GSE1: variants seen among roughly 807,000 people sequenced by gnomAD.
GSE1 encodes the protein genetic suppressor element 1.
In GSE1, 32 loss-of-function variants were observed where a neutral mutation model predicts 112.6. That is an observed-to-expected ratio of 0.28 (90% CI 0.21 to 0.38). The LOEUF is 0.38. GSE1 is among the 10% of genes least tolerant of loss of function. The probability of loss-of-function intolerance (pLI) is 1.00; values close to 1 mark genes in which losing one functional copy is unlikely to be tolerated. For synonymous variants in GSE1, 1,115 were observed against 735.6 expected (o/e 1.52, Z -8.35); for missense variants, 2,348 against 1,699.2 (o/e 1.38, Z -6.71).
At chr16:85,636,328 G>A (rs932738432) in intron 2 of GSE1, among the ~76,000 whole-genome samples, 4 of 152,206 alleles carry the variant, frequency 2.6e-5, no homozygotes, top group Admixed American at 1.3e-4. Flanking sequence ...TGTGGGGCTC[G>A]GAGTCTGCGG....
intron 1 of GSE1, among the ~76,000 whole-genome samples, chr16:85,330,995 A>T (rs2046328619): frequency 6.6e-6 from 1 of 152,012 alleles, no homozygotes; most frequent in African/African-American, 2.4e-5. Context: ...CAAGCCACCT[A>T]GTGGGGAGTT....
At chr16:85,652,072 C>T (rs1286566893) in intron 3 of GSE1, among the ~76,000 whole-genome samples, 4 of 152,220 alleles carry the variant, frequency 2.6e-5, no homozygotes, top group Non-Finnish European at 5.9e-5. Context: ...GCCAGCCTGG[C>T]AACACACCTG....
Position 85,665,016 on chromosome 16 carries a change from CAA to C in GSE1, c.2648_2649del (p.Lys883ArgfsTer5). The C allele has an allele frequency of 6.3e-7, 1 of 1,592,296 alleles. No individual in the cohort carries two copies. The highest frequency in any genetic ancestry group is 8.6e-7 in the Non-Finnish European group (1 of 1,160,432). On this transcript the variant is annotated frameshift_variant and splice_region_variant, in exon 12 of 16. Coordinates refer to ENST00000253458, the MANE Select transcript of GSE1 (RefSeq NM_014615.5). LOFTEE classifies it high-confidence loss of function. ...AATCTCAGGCTGCTTTTCTCATAGACAAAGAGAGACTTGTTGAAATGCTCCGT... is the reference window on the plus strand; with the variant it reads ...AATCTCAGGCTGCTTTTCTCATAGACAGAGAGACTTGTTGAAATGCTCCGT... ...THISAEKRKD[K>X]ERLVEMLRAM... is the part of the protein sequence containing the mutation.
chr16:85,342,127 G>T (rs1388993840), intron 1 of GSE1, among the ~76,000 whole-genome samples: 3 of 151,946 alleles, frequency 2.0e-5, no homozygotes, highest in Non-Finnish European at 4.4e-5. Context: ...GACCCACCAA[G>T]CAGAAGTGAT....
exon 1 of GSE1, chr16:85,171,328 C>G (rs2074355708): frequency 3.0e-6 from 3 of 985,534 alleles, no homozygotes; most frequent in Middle Eastern, 5.2e-4. Flanking sequence ...TGAGCTGGGC[C>G]CCGGGAAGGA....
rs1344685929 is a variant in GSE1 at position 85,454,155 on chromosome 16, C to T, written c.2464+96512C>T. On this transcript the variant is annotated intron_variant, in intron 2 of 2. Coordinates refer to the GSE1 transcript ENST00000637419. Reference sequence around the variant, plus strand: ...GCTTTCCAGTAAAAATAAGAGCAACCAACATTTATTAAGGACTGGCAGCGT... The same window carrying T: ...GCTTTCCAGTAAAAATAAGAGCAACTAACATTTATTAAGGACTGGCAGCGT... 2.0e-5 allele frequency among the ~76,000 whole-genome samples: 3 copies of T among 152,206 alleles called. No individual in the cohort carries two copies. In the East Asian group the frequency reaches 5.8e-4, roughly 29 times the overall value.
chr16:85,233,657 C>T (rs1395741375), intron 1 of GSE1, among the ~76,000 whole-genome samples: 4 of 151,914 alleles, frequency 2.6e-5, no homozygotes, highest in Admixed American at 1.3e-4. Flanking sequence ...GGGGGGTGTG[C>T]GTGTGGATGG....
At chr16:85,471,591 T>C (rs1169726115) in intron 2 of GSE1, among the ~76,000 whole-genome samples, 1 of 152,110 alleles carries the variant, frequency 6.6e-6, no homozygotes, top group Non-Finnish European at 1.5e-5. Flanking sequence ...TTTTTGCATT[T>C]TTTGTAGACA....
chr16:85,546,930 G>A (rs904215020), intron 2 of GSE1, among the ~76,000 whole-genome samples: 2 of 152,226 alleles, frequency 1.3e-5, no homozygotes, highest in African/African-American at 2.4e-5. Context: ...CACGTCCGAT[G>A]ATCTCCGGGG....
Position 85,665,982 on chromosome 16 carries a change from C to G in GSE1, c.2765C>G (p.Ala922Gly). The change falls in exon 13 of 16, where the codon GCC (alanine) becomes GGC (glycine). Residue 922 changes from alanine (A) to glycine (G), a missense_variant. Transcript: ENST00000253458. ...TTCACTTTGTCTCTAAAAGAACCAG[C>G]CACGCAGCAAGCCTCTCTGGATGTG... ...DSPAVSLSEPATQQASLDVEK... is the reference protein window; with the variant it reads ...DSPAVSLSEPGTQQASLDVEK... 1 of 1,613,008 alleles carries G rather than the reference C, an allele frequency of 6.2e-7. No homozygotes were observed. Among genetic ancestry groups the G allele is most frequent in the Non-Finnish European group, 8.5e-7 (1 of 1,179,804 alleles).
chr16:85,402,004 G>A (rs1026378743), intron 2 of GSE1, among the ~76,000 whole-genome samples: 4 of 152,194 alleles, frequency 2.6e-5, no homozygotes, highest in Admixed American at 6.5e-5. Flanking sequence ...CAGCAGCTGC[G>A]CTCCATGCCA....
intron 1 of GSE1, among the ~76,000 whole-genome samples, chr16:85,185,657 G>A (rs1232268756): frequency 6.6e-6 from 1 of 152,238 alleles, no homozygotes; most frequent in East Asian, 1.9e-4. Flanking sequence ...AATTTCTCTG[G>A]ATAGCAGGAG....
intron 2 of GSE1, among the ~76,000 whole-genome samples, chr16:85,471,177 G>T (rs886111356): frequency 6.6e-6 from 1 of 152,224 alleles, no homozygotes; most frequent in African/African-American, 2.4e-5. Context: ...GAGACGCCCA[G>T]TCCCTGCTGC....
chr16:85,370,246 C>G (rs541970912), intron 2 of GSE1, among the ~76,000 whole-genome samples: 1 of 152,306 alleles, frequency 6.6e-6, no homozygotes, highest in Admixed American at 6.5e-5. Flanking sequence ...GAGACCCAGC[C>G]AGGCTCTGCC....
At chr16:85,617,008 TTC>T (rs1418298556) in intron 1 of GSE1, among the ~76,000 whole-genome samples, 1 of 152,194 alleles carries the variant, frequency 6.6e-6, no homozygotes, top group East Asian at 1.9e-4. Flanking sequence ...CACCAGCCTC[TTC>T]TCTCACGCCC....
At chr16:85,279,192 G>T (rs1230292655) in intron 1 of GSE1, among the ~76,000 whole-genome samples, 1 of 152,238 alleles carries the variant, frequency 6.6e-6, no homozygotes, top group Non-Finnish European at 1.5e-5. Context: ...TGGGGAGGGG[G>T]GAGGAGGATG....
intron 1 of GSE1, among the ~76,000 whole-genome samples, chr16:85,246,429 CTCTCT>C (rs1905785356): frequency 1.3e-5 from 1 of 77,534 alleles, no homozygotes; most frequent in African/African-American, 5.7e-5. Flanking sequence ...ACACCCCATG[CTCTCT>C]ACACACACAC....
Position 85,673,336 on chromosome 16 carries a change from TAAAAA to T in GSE1, c.*803_*807del, listed in dbSNP as rs543792590. On this transcript the variant is annotated 3_prime_UTR_variant, in exon 16 of 16. Coordinates refer to ENST00000253458, the MANE Select transcript of GSE1 (RefSeq NM_014615.5). ...TCAGCCTTGTACTGTGTATATATAT[TAAAAA>T]AAAAACAAAGTTTTGTATGTTTTTA... 2 of 148,764 alleles carry T rather than the reference TAAAAA, an allele frequency of 1.3e-5. No homozygotes were observed. The highest frequency in any genetic ancestry group is 5.0e-5 in the African/African-American group (2 of 40,324). 9.2% of individuals were successfully genotyped at this position (148,764 alleles called of 1,614,324 possible).
chr16:85,414,726 C>T (rs1287693836), intron 2 of GSE1, among the ~76,000 whole-genome samples: 1 of 152,210 alleles, frequency 6.6e-6, no homozygotes, highest in Non-Finnish European at 1.5e-5. Context: ...CCTCTGCCTC[C>T]TGGGTTCAAG....
Sources: allele counts gnomAD v4.1 joint callset (sites outside exome capture counted in the v4.1 genomes callset), GRCh38; gene constraint gnomAD v4.1.1; transcripts MANE v1.5; gene names NCBI Gene and HGNC (gene_info 2026-07-23, HGNC 2026-07-21).